Variants in TET3 observed in about 807,000 individuals in gnomAD.
TET3 encodes the protein methylcytosine dioxygenase TET3.
Under a neutral mutation model 141.4 loss-of-function variants are expected in TET3, and 19 were observed. The ratio of observed to expected loss-of-function variants is 0.13; its 90% CI spans 0.09 to 0.20. The LOEUF (loss-of-function observed/expected upper bound fraction) is 0.20, where lower values mean the gene tolerates loss of function less well. Among genes scored for constraint, TET3 ranks in the 10% least tolerant of loss-of-function variants. TET3 has a pLI of 1.00. For synonymous variants in TET3, 1,043 were observed against 980.9 expected, an observed-to-expected ratio of 1.06 and a Z score of -1.18; for missense variants, 1,874 against 2,356.9, an observed-to-expected ratio of 0.80 and a Z score of 4.24.
chr2:74,033,691 G>A (rs1686873990), intron 3 of TET3, among the ~76,000 whole-genome samples: 1 of 152,224 alleles, frequency 6.6e-6, no homozygotes, highest in Non-Finnish European at 1.5e-5. Flanking sequence ...TAGCAAGTGT[G>A]TGATAGTATT....
At chr2:74,113,006 CAAAAAAA>C (rs60299737), downstream of TET3, among the ~76,000 whole-genome samples, 23 of 34,380 alleles carry the variant, frequency 6.7e-4, 1 homozygote, top group African/African-American at 2.2e-3. Context: ...GACTCCGTCT[CAAAAAAA>C]AAAAAAAAAA....
At position 74,099,407 on chromosome 2, in the gene TET3, G is replaced by A; in HGVS notation, c.3399G>A (p.Lys1133=). The change falls in exon 11 of 12, where the codon AAG becomes AAA. Residue 1133 remains lysine, a synonymous_variant. Coordinates refer to ENST00000409262, the MANE Select transcript of TET3 (RefSeq NM_001287491.2). ...GTAGCGAGGAGAACCAGAATGCAAA[G>A]GTGGGCAGCGGAGCCATCCAGGTGC... ...EFGSEENQNA[K]VGSGAIQVLT... 1 of 1,614,038 alleles carries A rather than the reference G, an allele frequency of 6.2e-7. No homozygotes were observed.
rs2105145733 is a variant in TET3 at position 74,003,173 on chromosome 2, TGTGTGTGTGCGTGCGTGTGTGTGC to T, written c.360+17_360+40del. ...ACAAGGAGCGGCTGTCAAGGTACCT[TGTGTGTGTGCGTGCGTGTGTGTGC>T]GTGTGTGTGGTGGCGGTGAAGTGTT... is the stretch of plus-strand genomic sequence containing the variant. On this transcript the variant is annotated splice_region_variant and intron_variant, in intron 3 of 11. Coordinates refer to ENST00000409262, the MANE Select transcript of TET3 (RefSeq NM_001287491.2). The T allele has an allele frequency of 6.5e-7, 1 of 1,547,444 alleles. No homozygotes were observed. Among genetic ancestry groups the T allele is most frequent in the Admixed American group, 2.0e-5 (1 of 50,592 alleles).
chr2:74,106,190 C>G lies in TET3; in HGVS notation c.*4014C>G, dbSNP rs1183152014. On this transcript the variant is annotated 3_prime_UTR_variant, in exon 12 of 12. Transcript: ENST00000409262. ...TGTTGTGTTGTGTTGTATTGTTCTT[C>G]CCTTGGTGGCCAAACAAAGCAAGTC... 6.6e-6 allele frequency: 1 copy of G among 151,780 alleles called. No individual in the cohort carries two copies. The allele number at this position is 151,780 out of a possible 1,614,324, so 9.4% of individuals were successfully genotyped here.
Position 74,047,098 on chromosome 2 carries a change from T to C in TET3, c.1181T>C (p.Phe394Ser). The C allele has an allele frequency of 6.2e-7, 1 of 1,613,916 alleles. No homozygotes were observed. The highest frequency in any genetic ancestry group is 8.5e-7 in the Non-Finnish European group (1 of 1,179,846). ...GAGGCCTTGTCACCTCCTGCCCCTTTCAGATCTCCCCAGTCTTACCTCCGG... is the reference window on the plus strand; with the variant it reads ...GAGGCCTTGTCACCTCCTGCCCCTTCCAGATCTCCCCAGTCTTACCTCCGG... Reference protein sequence around the residue: ...LPEALSPPAPFRSPQSYLRAP... With the variant: ...LPEALSPPAPSRSPQSYLRAP... Residue 394 changes from phenylalanine (F) to serine (S), a missense_variant, in exon 4 of 12, where the codon TTC (phenylalanine) becomes TCC (serine). Coordinates refer to ENST00000409262, the MANE Select transcript of TET3 (RefSeq NM_001287491.2).
intron 1 of TET3, among the ~76,000 whole-genome samples, 176 bp from the exon 2 acceptor site, chr2:73,985,804 C>G (rs1341315768): frequency 6.6e-6 from 1 of 151,990 alleles, no homozygotes; most frequent in Non-Finnish European, 1.5e-5. Context: ...CCGAGGCCGC[C>G]TCCCTCAGAC....
At chr2:74,098,744 C>A (rs1342296539) in intron 10 of TET3, among the ~76,000 whole-genome samples, 1 of 152,118 alleles carries the variant, frequency 6.6e-6, no homozygotes, top group Admixed American at 6.5e-5. Flanking sequence ...CAGGCGCATG[C>A]CACCACGCCA....
chr2:74,129,853 G>T, the TET3 span, among the ~76,000 whole-genome samples: 1 of 152,000 alleles, frequency 6.6e-6, no homozygotes, highest in Admixed American at 6.6e-5. Context: ...CAGCACTTTG[G>T]GAGGCCGAGG....
chr2:73,990,205 C>T (rs977820813), intron 2 of TET3, among the ~76,000 whole-genome samples: 1 of 114,100 alleles, frequency 8.8e-6, no homozygotes, highest in Admixed American at 1.0e-4. Flanking sequence ...CATAGCAAGA[C>T]CCCATTGCTA....
At chr2:74,074,763 T>C (rs1159371612) in intron 5 of TET3, among the ~76,000 whole-genome samples, 1 of 152,066 alleles carries the variant, frequency 6.6e-6, no homozygotes, top group Non-Finnish European at 1.5e-5. Context: ...AAACACTTAG[T>C]GCTTGTCATG....
intron 3 of TET3, among the ~76,000 whole-genome samples, chr2:74,027,932 TTATATG>T (rs1686463013): frequency 6.6e-6 from 1 of 152,156 alleles, no homozygotes; most frequent in Non-Finnish European, 1.5e-5. Flanking sequence ...TTGAATATGA[TTATATG>T]TATATATGTA....
chr2:74,015,632 A>G (rs1685689509), intron 3 of TET3, among the ~76,000 whole-genome samples: 1 of 152,134 alleles, frequency 6.6e-6, no homozygotes, highest in Admixed American at 6.5e-5. Flanking sequence ...CTTCTTATTG[A>G]TGGACATTTA....
chr2:74,124,698 TGCTTTGTTAAATAGATGCTTGAAGGCA>T, the TET3 span, among the ~76,000 whole-genome samples: 1 of 152,124 alleles, frequency 6.6e-6, no homozygotes, highest in Non-Finnish European at 1.5e-5. Flanking sequence ...GTGCAAGATG[TGCTTTGTTAAATAGATGCTTGAAGGCA>T]GCATGCTCGT....
At chr2:74,109,955 T>C (rs940185565), downstream of TET3, among the ~76,000 whole-genome samples, 1 of 152,220 alleles carries the variant, frequency 6.6e-6, no homozygotes, top group Non-Finnish European at 1.5e-5. Flanking sequence ...TGTGATTTGA[T>C]GAGGGTTTCA....
chr2:74,075,783 T>G (rs1173671341), intron 5 of TET3, among the ~76,000 whole-genome samples: 1 of 152,230 alleles, frequency 6.6e-6, no homozygotes, highest in Non-Finnish European at 1.5e-5. Context: ...AACATTTATA[T>G]TCACCAGTCT....
At chr2:74,006,532 A>G (rs538835739) in intron 3 of TET3, among the ~76,000 whole-genome samples, 5 of 152,322 alleles carry the variant, frequency 3.3e-5, no homozygotes, top group African/African-American at 1.2e-4. Flanking sequence ...GGGGACGACT[A>G]CAGCCCTTTT....
At chr2:74,115,635 T>C in the TET3 span, among the ~76,000 whole-genome samples, 2 of 152,046 alleles carry the variant, frequency 1.3e-5, no homozygotes, top group African/African-American at 4.8e-5. Context: ...GAGAGAAAAA[T>C]TTAATGTTGA....
At chr2:74,110,107 T>C (rs917922413), downstream of TET3, among the ~76,000 whole-genome samples, 8 of 152,184 alleles carry the variant, frequency 5.3e-5, no homozygotes, top group Non-Finnish European at 8.8e-5. Context: ...TCTTGACATA[T>C]GCAAAGCTTT....
intron 3 of TET3, among the ~76,000 whole-genome samples, chr2:74,024,002 G>A (rs1041234699): frequency 2.6e-5 from 4 of 151,820 alleles, no homozygotes; most frequent in Non-Finnish European, 4.4e-5. Context: ...CTAGCTTCTT[G>A]GATTGAAGCC....
Sources: allele counts gnomAD v4.1 joint callset (sites outside exome capture counted in the v4.1 genomes callset), GRCh38; gene constraint gnomAD v4.1.1; transcripts MANE v1.5; gene names NCBI Gene and HGNC (gene_info 2026-07-23, HGNC 2026-07-21).